POLQ: variants seen among roughly 807,000 people sequenced by gnomAD.
POLQ encodes DNA polymerase theta.
A neutral mutation model predicts 259.2 loss-of-function variants in POLQ; 233 were observed. That is an observed-to-expected ratio of 0.90 (90% CI 0.81 to 1.00). The LOEUF (loss-of-function observed/expected upper bound fraction) is 1.00. POLQ is among the 50% of genes least tolerant of loss of function. The pLI is 0.00. For missense variants in POLQ, 2,871 were observed against 3,051.6 expected (o/e 0.94, Z 1.39); for synonymous variants, 1,025 against 1,048.8 (o/e 0.98, Z 0.44).
intron 4 of POLQ, among the ~76,000 whole-genome samples, chr3:121,538,698 A>G (rs1299689934): frequency 6.6e-6 from 1 of 152,090 alleles, no homozygotes. Context: ...TTAAAGTCCA[A>G]TGGGGTCACA....
intron 9 of POLQ, among the ~76,000 whole-genome samples, chr3:121,513,600 C>CCA (rs1491217111): frequency 7.8e-5 from 4 of 51,572 alleles, no homozygotes; most frequent in African/African-American, 3.4e-4. Flanking sequence ...GACTCTATCT[C>CCA]AAAAAAAAAA....
At chr3:121,491,346 CAAAAAAAAAA>C (rs3045625) in intron 15 of POLQ, among the ~76,000 whole-genome samples, 9 of 77,972 alleles carry the variant, frequency 1.2e-4, no homozygotes, top group African/African-American at 3.4e-4. Flanking sequence ...GAGACTGTCA[CAAAAAAAAAA>C]AAAAAAAAAA....
intron 5 of POLQ, among the ~76,000 whole-genome samples, chr3:121,536,720 T>C (rs1029483160): frequency 3.9e-5 from 6 of 152,168 alleles, no homozygotes; most frequent in Non-Finnish European, 5.9e-5. Context: ...TCATACCTCA[T>C]TGCAGCCTGG....
intron 12 of POLQ, among the ~76,000 whole-genome samples, chr3:121,506,370 T>A (rs942210862): frequency 6.6e-6 from 1 of 152,126 alleles, no homozygotes; most frequent in Non-Finnish European, 1.5e-5. Flanking sequence ...TGGGGAGCCC[T>A]GTACCCATTA....
At chr3:121,437,675 A>G in intron 27 of POLQ, among the ~76,000 whole-genome samples, 1 of 152,222 alleles carries the variant, frequency 6.6e-6, no homozygotes, top group East Asian at 1.9e-4. Context: ...CAATCCCACC[A>G]CTGTGTCTTT....
At chr3:121,519,225 C>T (rs1016366683) in intron 9 of POLQ, among the ~76,000 whole-genome samples, 2 of 151,908 alleles carry the variant, frequency 1.3e-5, no homozygotes, top group Non-Finnish European at 2.9e-5. Context: ...GAGTAGACTA[C>T]ACCTAGAAAT....
In POLQ at chr3:121,488,866, C is replaced by G; in HGVS notation, c.4065G>C (p.Gln1355His). ...KDTNLAAGIM[Q>H]KSLVQQNSMN... ...TTGAGTTCTGTTGGACTAAGCTCTTCTGCATTATCCCTGCTGCCAGGTTGG... is the reference window on the plus strand; with the variant it reads ...TTGAGTTCTGTTGGACTAAGCTCTTGTGCATTATCCCTGCTGCCAGGTTGG... The change falls in exon 16 of 30, where the codon CAG (glutamine) becomes CAC (histidine). Residue 1355 changes from glutamine (Q) to histidine (H), a missense_variant. This residue lies in a region of POLQ where 2,080 missense variants were observed against 2,126.0 expected (regional missense o/e 0.98). Transcript: ENST00000264233. 1.2e-6 allele frequency: 2 copies of G among 1,614,044 alleles called. No individual in the cohort carries two copies. Among genetic ancestry groups the G allele is most frequent in the Non-Finnish European group, 8.5e-7 (1 of 1,179,940 alleles).
intron 8 of POLQ, among the ~76,000 whole-genome samples, chr3:121,520,452 C>G (rs559858335): frequency 6.6e-6 from 1 of 152,162 alleles, no homozygotes; most frequent in Non-Finnish European, 1.5e-5. Flanking sequence ...AGGAGAATCA[C>G]TTGAACCTGG....
rs767514017 is a variant in POLQ at position 121,498,678 on chromosome 3, G to A, written c.1960-8C>T. The A allele has an allele frequency of 5.6e-5, 89 of 1,582,822 alleles. No homozygotes were observed. The highest frequency in any genetic ancestry group is 7.5e-5 in the Non-Finnish European group (87 of 1,154,558). ...CTCAAACATAGGTGTAACCTAAAAG[G>A]AAGAAGTATTATTCATTAACTAAAA... On this transcript the variant is annotated splice_region_variant and splice_polypyrimidine_tract_variant and intron_variant, in intron 12 of 29. Coordinates refer to ENST00000264233, the MANE Select transcript of POLQ (RefSeq NM_199420.4).
intron 28 of POLQ, 122 bp downstream of exon 28, chr3:121,436,000 G>C (rs1443477915): frequency 1.3e-6 from 1 of 742,670 alleles, no homozygotes; most frequent in Non-Finnish European, 2.2e-6. Context: ...ATAGTATAAA[G>C]ACATCATGAG....
At chr3:121,456,481 A>T (rs2047738523) in intron 25 of POLQ, among the ~76,000 whole-genome samples, 1 of 152,102 alleles carries the variant, frequency 6.6e-6, no homozygotes, top group African/African-American at 2.4e-5. Context: ...TATCCAGAAA[A>T]CCCCATTGTC....
chr3:121,495,754 C>A (rs752715132), intron 14 of POLQ, among the ~76,000 whole-genome samples: 5 of 146,820 alleles, frequency 3.4e-5, no homozygotes, highest in Non-Finnish European at 7.4e-5. Flanking sequence ...GAGGCTGAGG[C>A]AGCAGAATGG....
intron 15 of POLQ, among the ~76,000 whole-genome samples, chr3:121,492,382 C>T (rs2048075819): frequency 6.6e-6 from 1 of 152,072 alleles, no homozygotes; most frequent in African/African-American, 2.4e-5. Flanking sequence ...CTGAGTCTAG[C>T]CCATTCAATA....
rs190977190 is a variant in POLQ at position 121,545,977 on chromosome 3, G to A, written c.-100C>T. 734 of 1,434,628 alleles carry A rather than the reference G, an allele frequency of 5.1e-4. No homozygotes were observed. Among genetic ancestry groups the A allele is most frequent in the Non-Finnish European group, 6.5e-4 (674 of 1,039,486 alleles). 88.9% of individuals were successfully genotyped at this position (1,434,628 alleles called of 1,614,324 possible). A position where few individuals can be genotyped will look rare whatever the true frequency, so the allele number is the denominator to read the frequency against. The stretch of plus-strand genomic sequence containing the variant: ...AACAGCTGCGGACATCTTCCCGCCA[G>A]TCTTCAAACTCAAACCTCCCGGCCC... On this transcript the variant is annotated 5_prime_UTR_variant, in exon 1 of 30. Transcript: ENST00000264233.
At chr3:121,545,598 A>T in intron 1 of POLQ, 117 bp downstream of exon 1, 1 of 941,268 alleles carries the variant, frequency 1.1e-6, no homozygotes, top group Non-Finnish European at 1.5e-6. Context: ...AGAGAAGGGG[A>T]GTAGAAGCCC....
rs371425818 is a variant in POLQ, at chr3:121,537,124, T to C, written c.716A>G (p.Tyr239Cys). Reference sequence around the variant, plus strand: ...CCAAGATGCTGATTTCCGAGTAATATAGCAAATCTTGGTCAGCAAAAGTTC... The same window carrying C: ...CCAAGATGCTGATTTCCGAGTAATACAGCAAATCTTGGTCAGCAAAAGTTC... ...LLELLLTKIC[Y>C]ITRKSASCQA... The change falls in exon 5 of 30, where the codon TAT becomes TGT. Residue 239 changes from tyrosine (Y) to cysteine (C), a missense_variant. Transcript: ENST00000264233. 8.7e-5 allele frequency: 137 copies of C among 1,570,498 alleles called. 1 individual carries two copies. Among genetic ancestry groups the C allele is most frequent in the Non-Finnish European group, 1.1e-4 (124 of 1,140,648 alleles).
chr3:121,518,730 C>T (rs2048315417), intron 9 of POLQ, among the ~76,000 whole-genome samples: 1 of 150,376 alleles, frequency 6.6e-6, no homozygotes, highest in Admixed American at 6.7e-5. Context: ...AATTTCTCTT[C>T]AGTAGCCACA....
chr3:121,487,863 C>T lies in POLQ; in HGVS notation c.5068G>A (p.Val1690Met), dbSNP rs2108797526. 6.2e-7 allele frequency: 1 copy of T among 1,610,602 alleles called. No individual in the cohort carries two copies. Among genetic ancestry groups the T allele is most frequent in the South Asian group, 1.1e-5 (1 of 89,962 alleles). The change falls in exon 16 of 30, where the codon GTG becomes ATG. Residue 1690 changes from valine (V) to methionine (M), a missense_variant. Val to Met is a conservative substitution (Grantham distance 21). This residue lies in a region of POLQ where 2,080 missense variants were observed against 2,126.0 expected (regional missense o/e 0.98). Transcript: ENST00000264233. ...EVISNLETKQ[V>M]QGISFSSNNE... is the part of the protein sequence containing the mutation. Reference sequence around the variant, plus strand: ...TTAGAAGAAAATGAAATTCCCTGCACTTGTTTTGTCTCCAAGTTTGAAATA... The same window carrying T: ...TTAGAAGAAAATGAAATTCCCTGCATTTGTTTTGTCTCCAAGTTTGAAATA...
chr3:121,463,579 C>T (rs2047810986), intron 24 of POLQ, among the ~76,000 whole-genome samples: 1 of 152,006 alleles, frequency 6.6e-6, no homozygotes, highest in South Asian at 2.1e-4. Flanking sequence ...AATTAATATT[C>T]TGAATAGGCT....
Sources: gnomAD v4.1 joint callset for allele counts (sites outside exome capture counted in the v4.1 genomes callset) on GRCh38, gnomAD v4.1.1 for gene constraint, gnomAD v4.1.1 regional missense constraint, MANE v1.5 for transcripts, NCBI Gene and HGNC (gene_info 2026-07-23, HGNC 2026-07-21) for gene names.